PISD: variants seen among roughly 807,000 people sequenced by gnomAD.
The protein encoded by PISD is phosphatidylserine decarboxylase, also known as phosphatidylserine decarboxylase proenzyme, mitochondrial.
PISD carries 31 observed loss-of-function variants against 43.5 expected under a neutral mutation model. That is an observed-to-expected ratio of 0.71 (90% CI 0.54 to 0.96). The LOEUF is 0.96. Among genes scored for constraint, PISD ranks in the 40% least tolerant of loss-of-function variants. PISD has a pLI of 0.00. For missense variants in PISD, 523 were observed against 548.4 expected (o/e 0.95, Z 0.46); for synonymous variants, 259 against 228.7 (o/e 1.13, Z -1.20).
intron 1 of PISD, among the ~76,000 whole-genome samples, chr22:31,655,198 C>T (rs1265739498): frequency 6.6e-6 from 1 of 151,766 alleles, no homozygotes; most frequent in African/African-American, 2.4e-5. Context: ...GAAACTTCTA[C>T]GGTGTTAAGC....
intron 3 of PISD, chr22:31,623,959 G>GCTT: frequency 2.0e-6 from 2 of 1,008,894 alleles, no homozygotes; most frequent in Middle Eastern, 3.3e-4. Flanking sequence ...ACCCACCCTT[G>GCTT]GCAAGCTGCC....
chr22:31,662,326 G>C, upstream of PISD: 3 of 1,029,592 alleles, frequency 2.9e-6, no homozygotes, highest in East Asian at 2.4e-5. Flanking sequence ...GGGCGGAGCC[G>C]ACTAAGCTCC....
intron 3 of PISD, among the ~76,000 whole-genome samples, chr22:31,624,332 G>A (rs1028935280): frequency 1.3e-5 from 2 of 152,138 alleles, no homozygotes; most frequent in African/African-American, 2.4e-5. Flanking sequence ...AGCACATAGC[G>A]CTGAGGAGCT....
At chr22:31,647,508 A>C (rs1286252569) in intron 3 of PISD, among the ~76,000 whole-genome samples, 2 of 152,266 alleles carry the variant, frequency 1.3e-5, no homozygotes, top group South Asian at 2.1e-4. Context: ...TATGGCTGCA[A>C]AAAAAAGGCA....
chr22:31,625,476 G>C lies in PISD; in HGVS notation c.322-3591C>G. The C allele has an allele frequency of 5.4e-6, 3 of 550,528 alleles. No individual in the cohort carries two copies. The South Asian group carries it at 6.5e-5, about 12-fold the overall frequency. 34.1% of individuals were successfully genotyped at this position (550,528 alleles called of 1,614,324 possible). ...GAGGCAAGGGTCTGGGCTGCGAGCA[G>C]GGGGCCTGGGAGCACCAGGGTAGGG... On this transcript the variant is annotated intron_variant, in intron 3 of 7. Coordinates refer to ENST00000439502, the MANE Select transcript of PISD (RefSeq NM_001326411.2).
At chr22:31,652,706 G>C (rs1377918353) in intron 1 of PISD, among the ~76,000 whole-genome samples, 1 of 149,944 alleles carries the variant, frequency 6.7e-6, no homozygotes, top group Non-Finnish European at 1.5e-5. Context: ...TACTCGGGAG[G>C]CTGAGGCAGG....
intron 3 of PISD, chr22:31,638,452 A>C: frequency 1.0e-6 from 1 of 984,364 alleles, no homozygotes; most frequent in Middle Eastern, 5.2e-4. Context: ...AAGGGGGATG[A>C]AGTGGGGAAG....
At chr22:31,625,755 C>T (rs371792239) in intron 3 of PISD, 2 of 1,581,092 alleles carry the variant, frequency 1.3e-6, no homozygotes, top group Non-Finnish European at 1.7e-6. Context: ...CGGTGGGCAG[C>T]ATCTCACCAT....
chr22:31,641,049 G>A (rs573486929), intron 3 of PISD, among the ~76,000 whole-genome samples: 7 of 150,536 alleles, frequency 4.7e-5, no homozygotes, highest in East Asian at 2.0e-4. Context: ...CACCACTCCC[G>A]GCTAATTTTT....
intron 5 of PISD, 58 bp from the exon 6 acceptor site, chr22:31,621,200 C>T: frequency 3.1e-6 from 5 of 1,613,112 alleles, no homozygotes; most frequent in Non-Finnish European, 4.2e-6. Flanking sequence ...AGCACGGAGC[C>T]CGAGTGTGGT....
intron 3 of PISD, chr22:31,623,929 G>T: frequency 1.5e-6 from 2 of 1,357,980 alleles, no homozygotes; most frequent in East Asian, 2.4e-5. Flanking sequence ...CCTGCACCCA[G>T]GGCAGGATTC....
intron 3 of PISD, among the ~76,000 whole-genome samples, chr22:31,644,537 C>A (rs1267117920): frequency 6.6e-6 from 1 of 152,086 alleles, no homozygotes; most frequent in Non-Finnish European, 1.5e-5. Context: ...CCACGCCCAG[C>A]CTCAAATTCA....
chr22:31,639,152 C>T (rs538793592), intron 3 of PISD, among the ~76,000 whole-genome samples: 10 of 151,740 alleles, frequency 6.6e-5, no homozygotes, highest in African/African-American at 2.4e-4. Context: ...CACACCACCA[C>T]CCCTGGCTAA....
chr22:31,640,894 T>TTTTTTTG (rs2073698651), intron 3 of PISD, among the ~76,000 whole-genome samples: 1 of 93,100 alleles, frequency 1.1e-5, no homozygotes, highest in Non-Finnish European at 2.1e-5. Flanking sequence ...TTTTTTTTTT[T>TTTTTTTG]TTTTTTTTTT....
At chr22:31,638,215 G>A (rs1177505437) in intron 3 of PISD, among the ~76,000 whole-genome samples, 1 of 152,204 alleles carries the variant, frequency 6.6e-6, no homozygotes, top group Non-Finnish European at 1.5e-5. Flanking sequence ...CGGGGCAGAG[G>A]CAACACAAAG....
intron 3 of PISD, among the ~76,000 whole-genome samples, chr22:31,631,063 T>G (rs2073186486): frequency 6.6e-6 from 1 of 152,234 alleles, no homozygotes; most frequent in Non-Finnish European, 1.5e-5. Flanking sequence ...ACACCAGCTC[T>G]GCTTGGTCAC....
At chr22:31,645,732 G>A (rs1265283795) in intron 3 of PISD, among the ~76,000 whole-genome samples, 4 of 148,594 alleles carry the variant, frequency 2.7e-5, no homozygotes. Flanking sequence ...AACGGCAGGT[G>A]CCTGTAATCC....
intron 3 of PISD, among the ~76,000 whole-genome samples, chr22:31,643,889 A>G (rs1348628263): frequency 6.6e-6 from 1 of 152,158 alleles, no homozygotes; most frequent in African/African-American, 2.4e-5. Context: ...TCTACTAAAA[A>G]TACAAAAAAT....
chr22:31,654,459 C>T (rs2074112270), intron 1 of PISD, among the ~76,000 whole-genome samples: 1 of 152,112 alleles, frequency 6.6e-6, no homozygotes, highest in Non-Finnish European at 1.5e-5. Context: ...GGCCAGCTAC[C>T]CAATGGCCCC....
Sources: allele counts gnomAD v4.1 joint callset (sites outside exome capture counted in the v4.1 genomes callset), GRCh38; gene constraint gnomAD v4.1.1; transcripts MANE v1.5; gene names NCBI Gene and HGNC (gene_info 2026-07-23, HGNC 2026-07-21).